The following RAB26 variants were observed in gnomAD, a reference collection of about 807,000 sequenced individuals.
RAB26 encodes ras-related protein Rab-26.
A neutral mutation model predicts 33.1 loss-of-function variants in RAB26; 39 were observed. The observed-to-expected ratio is 1.18, with a 90% CI of 0.91 to 1.54. RAB26 has a LOEUF of 1.54. Among genes scored for constraint, RAB26 ranks in the 40% most tolerant of loss-of-function variants. The probability of loss-of-function intolerance (pLI) is 0.00; values close to 1 mark genes in which losing one functional copy is unlikely to be tolerated. For missense variants in RAB26, 468 were observed against 362.9 expected, an observed-to-expected ratio of 1.29 and a Z score of -2.35; for synonymous variants, 192 against 151.9, an observed-to-expected ratio of 1.26 and a Z score of -1.94.
In RAB26 at chr16:2,150,079, C is replaced by T. The variant is rs370055234; in HGVS notation, c.306+28C>T. 2.6e-5 allele frequency: 39 copies of T among 1,516,976 alleles called. No homozygotes were observed. In the African/African-American group the frequency reaches 4.2e-4, roughly 16 times the overall value. 94.0% of individuals were successfully genotyped at this position (1,516,976 alleles called of 1,614,324 possible). A position where few individuals can be genotyped will look rare whatever the true frequency, so the allele number is the denominator to read the frequency against. Reference sequence around the variant, plus strand: ...GAGTGGAGGCCCTGGCCTGGCCCCACATCAGAGTCCCGCCGGTACCCGAGC... The same window carrying T: ...GAGTGGAGGCCCTGGCCTGGCCCCATATCAGAGTCCCGCCGGTACCCGAGC... On this transcript the variant is annotated intron_variant, in intron 2 of 8. Coordinates refer to ENST00000210187, the MANE Select transcript of RAB26 (RefSeq NM_014353.5).
At chr16:2,150,122 C>T in intron 2 of RAB26, 71 bp downstream of exon 2, 1 of 1,354,474 alleles carries the variant, frequency 7.4e-7, no homozygotes, top group Non-Finnish European at 1.0e-6. Context: ...TCTCTCTGAT[C>T]CCCATGGTAC....
chr16:2,152,836 T>G lies in RAB26; in HGVS notation c.485T>G (p.Ile162Ser), dbSNP rs1470763239. The change falls in exon 6 of 9, where the codon ATC (isoleucine) becomes AGC (serine). Residue 162 changes from isoleucine (I) to serine (S), a missense_variant. Transcript: ENST00000210187. Reference protein sequence around the residue: ...FDNIQAWLTEIHEYAQHDVAL... With the variant: ...FDNIQAWLTESHEYAQHDVAL... ...CTCCCACAGGCCTGGCTGACCGAGATCCACGAGTACGCCCAGCACGACGTG... is the reference window on the plus strand; with the variant it reads ...CTCCCACAGGCCTGGCTGACCGAGAGCCACGAGTACGCCCAGCACGACGTG... 1 of 1,606,018 alleles carries G rather than the reference T, an allele frequency of 6.2e-7. No homozygotes were observed. Among genetic ancestry groups the G allele is most frequent in the Admixed American group, 1.7e-5 (1 of 59,014 alleles).
Position 2,153,410 on chromosome 16 carries a change from T to A in RAB26, c.760T>A (p.Cys254Ser). Residue 254 changes from cysteine (C) to serine (S), a missense_variant, in exon 9 of 9, where the codon TGC becomes AGC. Coordinates refer to ENST00000210187, the MANE Select transcript of RAB26 (RefSeq NM_014353.5). ...VKREGRGASC[C>S]RP ...GAGGGAGGGTCGAGGGGCCTCCTGC[T>A]GCCGCCCTTGAACCTGGCTGAGCTC... 2 of 1,613,386 alleles carry A rather than the reference T, an allele frequency of 1.2e-6. No individual in the cohort carries two copies. The highest frequency in any genetic ancestry group is 1.7e-6 in the Non-Finnish European group (2 of 1,180,008).
chr16:2,151,814 G>T (rs746054644), intron 4 of RAB26, 42 bp from the exon 5 acceptor site: 2 of 1,613,988 alleles, frequency 1.2e-6, no homozygotes, highest in Non-Finnish European at 1.7e-6. Context: ...GCACCTGAGG[G>T]TGCAGGTGAT....
chr16:2,151,534 C>T (rs763519789), intron 2 of RAB26, 35 bp from the exon 3 acceptor site: 33 of 1,612,680 alleles, frequency 2.0e-5, no homozygotes, highest in African/African-American at 2.7e-5. Context: ...CTGGGCTGGG[C>T]CCATGCCAGA....
Position 2,148,865 on chromosome 16 carries a change from C to T in RAB26, c.82C>T (p.Pro28Ser), listed in dbSNP as rs771023224. 207 of 1,402,952 alleles carry T rather than the reference C, an allele frequency of 1.5e-4. 1 individual carries two copies. The Middle Eastern group carries it at 2.5e-3, about 17-fold the overall frequency. The allele number at this position is 1,402,952 out of a possible 1,614,324, so 86.9% of individuals were successfully genotyped here. ...STLPTANGAR[P>S]ARSGTALSGP... ...GCTGCCCACCGCCAACGGGGCCCGA[C>T]CGGCGCGCTCCGGGACTGCGCTTTC... The change falls in exon 1 of 9, where the codon CCG becomes TCG. Residue 28 changes from proline (P) to serine (S), a missense_variant. Transcript: ENST00000210187.
intron 2 of RAB26, 103 bp from the exon 3 acceptor site, chr16:2,151,466 C>CCTGGGAG: frequency 6.5e-7 from 1 of 1,545,308 alleles, no homozygotes; most frequent in Non-Finnish European, 8.9e-7. Flanking sequence ...CTGGGCTGGA[C>CCTGGGAG]CTGGGAGCTG....
At position 2,148,648 on chromosome 16, in the gene RAB26, A is replaced by C. The variant is rs1596655427; in HGVS notation, c.-136A>C. The stretch of plus-strand genomic sequence containing the variant: ...GGGCGCGAGCCGGGCGCCCGGGATG[A>C]TGCCGCCGCCGCCGCCGCCGCCGCC... On this transcript the variant is annotated 5_prime_UTR_variant, in exon 1 of 9. The change abolishes an upstream ATG in the 5' untranslated region. Transcript: ENST00000210187. 1 of 254,914 alleles carries C rather than the reference A, an allele frequency of 3.9e-6. No homozygotes were observed. Among genetic ancestry groups the C allele is most frequent in the Non-Finnish European group, 5.4e-6 (1 of 186,426 alleles). The allele number at this position is 254,914 out of a possible 1,614,324, so 15.8% of individuals were successfully genotyped here.
At chr16:2,152,095 C>A (rs547546956) in intron 5 of RAB26, among the ~76,000 whole-genome samples, 187 bp downstream of exon 5, 7 of 151,408 alleles carry the variant, frequency 4.6e-5, no homozygotes, top group African/African-American at 1.7e-4. Context: ...CAGCAGGAGG[C>A]TTTGTGTAAG....
At chr16:2,151,930 G>A (rs2093006397) in intron 5 of RAB26, 22 bp downstream of exon 5, 2 of 1,614,004 alleles carry the variant, frequency 1.2e-6, no homozygotes, top group African/African-American at 1.3e-5. Context: ...TCCTGGTGGG[G>A]TGAAAGGGCC....
chr16:2,150,597 G>A (rs2093001747), intron 2 of RAB26, among the ~76,000 whole-genome samples: 1 of 56,408 alleles, frequency 1.8e-5, no homozygotes, highest in Non-Finnish European at 5.5e-5. Flanking sequence ...GGCTGTTCCA[G>A]GGACAGGAAA....
At chr16:2,151,786 G>C (rs751400627) in intron 4 of RAB26, 25 bp downstream of exon 4, 1 of 1,613,936 alleles carries the variant, frequency 6.2e-7, no homozygotes, top group South Asian at 1.1e-5. Flanking sequence ...ACCTGGGCTG[G>C]TTGGGGCGGG....
In RAB26 at chr16:2,151,805, C is replaced by T. The variant is rs202000070; in HGVS notation, c.415+44C>T. On this transcript the variant is annotated intron_variant, in intron 4 of 8. Coordinates refer to ENST00000210187, the MANE Select transcript of RAB26 (RefSeq NM_014353.5). ...GGGCTGGTTGGGGCGGGGGTCTGAG[C>T]ACCTGAGGGTGCAGGTGATGGTGGA... is the stretch of plus-strand genomic sequence containing the variant. 6 of 1,613,796 alleles carry T rather than the reference C, an allele frequency of 3.7e-6. No individual in the cohort carries two copies. In the South Asian group the frequency reaches 6.6e-5, roughly 18 times the overall value.
intron 2 of RAB26, among the ~76,000 whole-genome samples, chr16:2,150,935 C>T (rs1327597613): frequency 6.6e-6 from 1 of 152,200 alleles, no homozygotes; most frequent in Non-Finnish European, 1.5e-5. Flanking sequence ...CTGAAGCCCC[C>T]CGCCCCCACC....
chr16:2,151,530 T>TGGGCC, intron 2 of RAB26, 39 bp from the exon 3 acceptor site: 1 of 1,612,876 alleles, frequency 6.2e-7, no homozygotes, highest in Non-Finnish European at 8.5e-7. Context: ...GAGGCTGGGC[T>TGGGCC]GGGCCCATGC....
chr16:2,148,253 G>A (rs1032493566), upstream of RAB26: 2 of 152,378 alleles, frequency 1.3e-5, no homozygotes, highest in African/African-American at 4.8e-5. Flanking sequence ...TAAGGAGACA[G>A]AAGCCCGCGG....
intron 2 of RAB26, chr16:2,151,285 A>G (rs2141251830): frequency 3.4e-6 from 2 of 581,976 alleles, no homozygotes; most frequent in South Asian, 1.7e-5. Context: ...TACTGCACCC[A>G]TTTGCAGATG....
chr16:2,153,610 C>G lies in RAB26; in HGVS notation c.*189C>G, dbSNP rs146827013. 1 of 668,190 alleles carries G rather than the reference C, an allele frequency of 1.5e-6. No individual in the cohort carries two copies. Among genetic ancestry groups the G allele is most frequent in the Non-Finnish European group, 2.7e-6 (1 of 372,344 alleles). The allele number at this position is 668,190 out of a possible 1,614,324, so 41.4% of individuals were successfully genotyped here. On this transcript the variant is annotated 3_prime_UTR_variant, in exon 9 of 9. Coordinates refer to ENST00000210187, the MANE Select transcript of RAB26 (RefSeq NM_014353.5). ...CCCAACAAGCAGGCTTCTGAGAGCC[C>G]GTGGCCGCACACTGGCCGCCACGGA...
Position 2,153,129 on chromosome 16 carries a change from G to A in RAB26, c.592-17G>A, listed in dbSNP as rs1376257255. The A allele has an allele frequency of 5.6e-6, 9 of 1,613,600 alleles. No individual in the cohort carries two copies. Among genetic ancestry groups the A allele is most frequent in the Middle Eastern group, 1.6e-4 (1 of 6,084 alleles). On this transcript the variant is annotated splice_polypyrimidine_tract_variant and intron_variant, in intron 7 of 8. Coordinates refer to ENST00000210187, the MANE Select transcript of RAB26 (RefSeq NM_014353.5). ...TCCCCGCCAGGCCACCACCTGGCTG[G>A]CAGCAGCTGTTTACAGGAGTATGGA...
Sources: allele counts gnomAD v4.1 joint callset (sites outside exome capture counted in the v4.1 genomes callset), GRCh38; gene constraint gnomAD v4.1.1; transcripts MANE v1.5; gene names NCBI Gene and HGNC (gene_info 2026-07-23, HGNC 2026-07-21).